The following KDM4A variants were observed in gnomAD, a reference collection of about 807,000 sequenced individuals.
KDM4A encodes the protein lysine-specific demethylase 4A.
Under a neutral mutation model 127.1 loss-of-function variants are expected in KDM4A, and 23 were observed. The observed-to-expected ratio is 0.18, with a 90% CI of 0.13 to 0.26. KDM4A has a LOEUF of 0.26. Among genes scored for constraint, KDM4A ranks in the 10% least tolerant of loss-of-function variants. The probability of loss-of-function intolerance (pLI) is 1.00; values close to 1 mark genes in which losing one functional copy is unlikely to be tolerated. For synonymous variants in KDM4A, 443 were observed against 466.5 expected (o/e 0.95, Z 0.65); for missense variants, 890 against 1,329.1 (o/e 0.67, Z 5.14).
intron 5 of KDM4A, among the ~76,000 whole-genome samples, chr1:43,664,808 A>C (rs578113142): frequency 6.6e-6 from 1 of 152,312 alleles, no homozygotes; most frequent in Non-Finnish European, 1.5e-5. Context: ...TTATAAAAGA[A>C]GGTTTTCCAG....
intron 4 of KDM4A, 29 bp from the exon 5 acceptor site, chr1:43,662,865 C>G: frequency 6.4e-7 from 1 of 1,565,508 alleles, no homozygotes; most frequent in Non-Finnish European, 8.7e-7. Context: ...GCAAATGTAA[C>G]TTGCCCTGGA....
At chr1:43,668,646 A>G (rs1360909488) in intron 9 of KDM4A, among the ~76,000 whole-genome samples, 2 of 152,166 alleles carry the variant, frequency 1.3e-5, no homozygotes, top group Non-Finnish European at 2.9e-5. Context: ...TTCTCATCAT[A>G]TCAGAGAGTC....
chr1:43,694,154 G>A lies in KDM4A; in HGVS notation c.2484+52G>A, dbSNP rs773224044. 3 of 1,420,444 alleles carry A rather than the reference G, an allele frequency of 2.1e-6. No homozygotes were observed. In the South Asian group the frequency reaches 3.6e-5, roughly 17 times the overall value. The allele number at this position is 1,420,444 out of a possible 1,614,324, so 88.0% of individuals were successfully genotyped here. On this transcript the variant is annotated intron_variant, in intron 17 of 21. Coordinates refer to ENST00000372396, the MANE Select transcript of KDM4A (RefSeq NM_014663.3). The surrounding 1 kb of genome is among the most constrained non-coding windows in gnomAD (Gnocchi z 5.2). Reference sequence around the variant, plus strand: ...TTCCCGACTTACAAGTTTCTGGGTAGAAGAGAACAGGGACCTCCTGTACCC... The same window carrying A: ...TTCCCGACTTACAAGTTTCTGGGTAAAAGAGAACAGGGACCTCCTGTACCC...
At chr1:43,672,501 CTTTT>C (rs377068138) in intron 11 of KDM4A, among the ~76,000 whole-genome samples, 1 of 130,294 alleles carries the variant, frequency 7.7e-6, no homozygotes. Context: ...GTTTTTTTTT[CTTTT>C]TTTTTTTGAG....
intron 11 of KDM4A, among the ~76,000 whole-genome samples, chr1:43,673,702 A>G (rs1201389178): frequency 6.6e-6 from 1 of 152,122 alleles, no homozygotes; most frequent in Non-Finnish European, 1.5e-5. Flanking sequence ...TTCTTATGGC[A>G]GCTTCCATAA....
intron 4 of KDM4A, among the ~76,000 whole-genome samples, chr1:43,662,226 AT>A (rs796725388): frequency 1.7e-4 from 25 of 143,784 alleles, no homozygotes; most frequent in Admixed American, 3.5e-4. Flanking sequence ...ATGTTTTGCG[AT>A]TTTTTTTTTT....
At chr1:43,666,647 G>C in intron 7 of KDM4A, 92 bp downstream of exon 7, 1 of 1,034,478 alleles carries the variant, frequency 9.7e-7, no homozygotes, top group Non-Finnish European at 1.5e-6. Flanking sequence ...ATACCAAGAG[G>C]GGGCCAAAGC....
intron 18 of KDM4A, 110 bp downstream of exon 18, chr1:43,695,004 T>G: frequency 9.3e-7 from 1 of 1,073,264 alleles, no homozygotes; most frequent in Non-Finnish European, 1.3e-6. Flanking sequence ...TTCTGCATTA[T>G]GAAGAGTGCT....
intron 19 of KDM4A, 51 bp from the exon 20 acceptor site, chr1:43,703,566 T>C (rs1431046955): frequency 1.2e-6 from 2 of 1,606,912 alleles, no homozygotes; most frequent in Admixed American, 3.3e-5. Context: ...ACAGTTACCT[T>C]TGTGTGCAGG....
intron 12 of KDM4A, among the ~76,000 whole-genome samples, chr1:43,684,501 T>C (rs1291272950): frequency 1.3e-5 from 2 of 151,426 alleles, no homozygotes; most frequent in Non-Finnish European, 2.9e-5. Flanking sequence ...AGATGCCATC[T>C]CAAAAAAAAA....
intron 18 of KDM4A, 136 bp from the exon 19 acceptor site, chr1:43,697,707 A>G: frequency 1.2e-6 from 1 of 812,944 alleles, no homozygotes; most frequent in East Asian, 2.6e-5. Context: ...TTTAGCTCCC[A>G]TCTCTTCTCT....
intron 3 of KDM4A, among the ~76,000 whole-genome samples, chr1:43,656,750 G>A (rs1469872506): frequency 1.3e-5 from 2 of 148,434 alleles, no homozygotes; most frequent in East Asian, 4.0e-4. Flanking sequence ...TTTTTGAGGT[G>A]GAGTCTCGCT....
Position 43,668,025 on chromosome 1 carries a change from C to G in KDM4A, c.1163+6C>G. The G allele has an allele frequency of 6.2e-7, 1 of 1,613,578 alleles. No homozygotes were observed. The highest frequency in any genetic ancestry group is 8.5e-7 in the Non-Finnish European group (1 of 1,179,826). ...GAAGGAGACCTGAAGACAAGGTAAC[C>G]CAGCAGCCCTTTTGTCCTGGCTGCG... On this transcript the variant is annotated splice_donor_region_variant and intron_variant, in intron 9 of 21. Transcript: ENST00000372396.
At chr1:43,696,891 AG>A (rs1288777330) in intron 18 of KDM4A, among the ~76,000 whole-genome samples, 3 of 149,926 alleles carry the variant, frequency 2.0e-5, no homozygotes, top group African/African-American at 7.3e-5. Context: ...TTTAGGTGCC[AG>A]GACTATACCA....
In KDM4A at chr1:43,695,840, G is replaced by A. The variant is rs147612607; in HGVS notation, c.2670+946G>A. On this transcript the variant is annotated intron_variant, in intron 18 of 21. Transcript: ENST00000372396. The stretch of plus-strand genomic sequence containing the variant: ...TGACCCTCGTGGGTTGAGGAGAGAA[G>A]GGGAGAGGAGGAGGAAAGGGGGAGT... 6.9e-3 allele frequency among the ~76,000 whole-genome samples: 1,055 copies of A among 152,220 alleles called. 5 individuals are homozygous for A. Among genetic ancestry groups the A allele is most frequent in the Admixed American group, 0.013 (206 of 15,290 alleles).
intron 11 of KDM4A, among the ~76,000 whole-genome samples, chr1:43,674,054 C>T (rs1208670928): frequency 6.6e-6 from 1 of 152,130 alleles, no homozygotes; most frequent in East Asian, 1.9e-4. Context: ...CCATCCTCCC[C>T]ACCTCAGCCT....
chr1:43,658,677 G>A (rs1221853134), intron 3 of KDM4A, among the ~76,000 whole-genome samples: 1 of 151,464 alleles, frequency 6.6e-6, no homozygotes, highest in Non-Finnish European at 1.5e-5. Flanking sequence ...CTAATTTTTT[G>A]TATTTGTTGT....
intron 18 of KDM4A, among the ~76,000 whole-genome samples, chr1:43,696,268 G>A (rs1661236276): frequency 6.6e-6 from 1 of 152,208 alleles, no homozygotes; most frequent in South Asian, 2.1e-4. Flanking sequence ...GAGTGTCCCT[G>A]TGGAGTAGTC....
intron 15 of KDM4A, 58 bp downstream of exon 15, chr1:43,691,630 C>A: frequency 7.0e-7 from 1 of 1,434,426 alleles, no homozygotes; most frequent in Non-Finnish European, 9.8e-7. Flanking sequence ...TATTCAGGGC[C>A]AGACGATTTC....
Sources: gnomAD v4.1 joint callset for allele counts (sites outside exome capture counted in the v4.1 genomes callset) on GRCh38, gnomAD v4.1.1 for gene constraint, Gnocchi (gnomAD v3.1) non-coding constraint, MANE v1.5 for transcripts, NCBI Gene and HGNC (gene_info 2026-07-23, HGNC 2026-07-21) for gene names.